GIGYF2: variants seen among roughly 807,000 people sequenced by gnomAD.
GIGYF2 encodes the protein GRB10 interacting GYF protein 2, also known as GRB10-interacting GYF protein 2.
In GIGYF2, 25 loss-of-function variants were observed where a neutral mutation model predicts 208.1. The observed-to-expected ratio is 0.12, with a 90% CI of 0.09 to 0.17. The LOEUF (loss-of-function observed/expected upper bound fraction) is 0.17, where lower values mean the gene tolerates loss of function less well. GIGYF2 is among the 10% of genes least tolerant of loss of function. GIGYF2 has a pLI of 1.00. For missense variants in GIGYF2, 1,302 were observed against 1,579.4 expected, an observed-to-expected ratio of 0.82 and a Z score of 2.98; for synonymous variants, 534 against 543.8, an observed-to-expected ratio of 0.98 and a Z score of 0.25.
intron 28 of GIGYF2, among the ~76,000 whole-genome samples, chr2:232,854,694 A>AT (rs1690485902): frequency 6.6e-6 from 1 of 152,000 alleles, no homozygotes; most frequent in South Asian, 2.1e-4. Context: ...AGGCATGTTT[A>AT]TTTTTTTGAA....
At chr2:232,772,339 G>T (rs1699301371) in intron 8 of GIGYF2, among the ~76,000 whole-genome samples, 1 of 152,114 alleles carries the variant, frequency 6.6e-6, no homozygotes, top group South Asian at 2.1e-4. Flanking sequence ...ATTAGATTGG[G>T]GGGTAGAAAG....
intron 8 of GIGYF2, chr2:232,768,582 G>C: frequency 6.2e-7 from 1 of 1,614,136 alleles, no homozygotes; most frequent in Non-Finnish European, 8.5e-7. Context: ...ACATTCGTCA[G>C]AACTGATGCC....
At chr2:232,816,813 T>C in intron 19 of GIGYF2, 58 bp from the exon 20 acceptor site, 1 of 1,315,858 alleles carries the variant, frequency 7.6e-7, no homozygotes, top group East Asian at 2.3e-5. Flanking sequence ...GGTCAGTGCT[T>C]TCGGAGTGTT....
At chr2:232,825,829 T>G (rs1014895191) in intron 21 of GIGYF2, among the ~76,000 whole-genome samples, 1 of 151,912 alleles carries the variant, frequency 6.6e-6, no homozygotes, top group African/African-American at 2.4e-5. Flanking sequence ...ACATTAGGTA[T>G]TTCTCCTAAT....
At chr2:232,761,141 T>C (rs1391964653) in intron 7 of GIGYF2, among the ~76,000 whole-genome samples, 2 of 152,150 alleles carry the variant, frequency 1.3e-5, no homozygotes, top group African/African-American at 4.8e-5. Flanking sequence ...TATATAAAAC[T>C]GTATACTATG....
rs552859211 is a variant in GIGYF2 at position 232,814,127 on chromosome 2, C to T, written c.2108-1510C>T. ...TTTCAAACTCCTGGCCTCAAGTGAT[C>T]CGCCTGCCTCTGCCTCCCAAACTGC... On this transcript the variant is annotated intron_variant, in intron 18 of 28. Transcript: ENST00000373563. 2.1e-3 allele frequency among the ~76,000 whole-genome samples: 324 copies of T among 151,974 alleles called. 1 individual carries two copies. Among genetic ancestry groups the T allele is most frequent in the African/African-American group, 7.5e-3 (309 of 41,412 alleles).
Position 232,806,077 on chromosome 2 carries a change from T to C in GIGYF2, c.1640-414T>C, listed in dbSNP as rs1334366366. ...AATTTGTCTTAATTATTGTTTACAT[T>C]TTGCCCCACTTTCGCTAATCTATGG... On this transcript the variant is annotated intron_variant, in intron 14 of 28. Transcript: ENST00000373563. This position sits in a 1 kb window ranked among gnomAD's most constrained non-coding sequence, Gnocchi z 4.0. Among the ~76,000 whole-genome samples, 2 of 152,220 alleles carry C rather than the reference T, an allele frequency of 1.3e-5. No homozygotes were observed. Among genetic ancestry groups the C allele is most frequent in the African/African-American group, 4.8e-5 (2 of 41,462 alleles).
chr2:232,739,772 C>T (rs942725987), intron 3 of GIGYF2, among the ~76,000 whole-genome samples: 5 of 151,964 alleles, frequency 3.3e-5, no homozygotes, highest in Non-Finnish European at 5.9e-5. Context: ...TGGTTTCTAT[C>T]GTATATGCAA....
rs534211510 is a variant in GIGYF2, at chr2:232,709,739, G to A, written c.-44+6250G>A. ...CAGGAGAATCCCTTGAACCCGGGAG[G>A]CAGAGGTTTCAGTGAGCCGAGATTG... On this transcript the variant is annotated intron_variant, in intron 2 of 28. Coordinates refer to ENST00000373563, the MANE Select transcript of GIGYF2 (RefSeq NM_001103146.3). Among the ~76,000 whole-genome samples, 782 of 151,878 alleles carry A rather than the reference G, an allele frequency of 5.1e-3. 4 individuals carry two copies. The highest frequency in any genetic ancestry group is 0.018 in the African/African-American group (757 of 41,442).
At chr2:232,851,957 G>A (rs1158515025) in intron 28 of GIGYF2, among the ~76,000 whole-genome samples, 1 of 152,144 alleles carries the variant, frequency 6.6e-6, no homozygotes, top group African/African-American at 2.4e-5. Context: ...GAATTAACTG[G>A]ACAAGAAGAG....
At chr2:232,716,924 G>A (rs1696709356) in intron 2 of GIGYF2, among the ~76,000 whole-genome samples, 1 of 151,318 alleles carries the variant, frequency 6.6e-6, no homozygotes, top group East Asian at 2.0e-4. Flanking sequence ...TCCAACTTCA[G>A]CCTCCCCAGT....
At chr2:232,850,791 C>T (rs972268436) in intron 28 of GIGYF2, among the ~76,000 whole-genome samples, 3 of 152,098 alleles carry the variant, frequency 2.0e-5, no homozygotes, top group Non-Finnish European at 4.4e-5. Context: ...ACCATTAATC[C>T]GATCAGGTGT....
At chr2:232,820,031 A>C in intron 21 of GIGYF2, 46 bp downstream of exon 21, 1 of 1,607,622 alleles carries the variant, frequency 6.2e-7, no homozygotes, top group Non-Finnish European at 8.5e-7. Context: ...GAAGCTGGGA[A>C]TTAGTGATTT....
At chr2:232,804,854 C>T (rs1203004293) in intron 14 of GIGYF2, among the ~76,000 whole-genome samples, 1 of 151,234 alleles carries the variant, frequency 6.6e-6, no homozygotes, top group Non-Finnish European at 1.5e-5. Context: ...CCTCTTTTAC[C>T]CATGGATTAT....
intron 8 of GIGYF2, chr2:232,771,542 T>C: frequency 3.7e-6 from 2 of 537,412 alleles, no homozygotes; most frequent in Admixed American, 6.6e-5. Context: ...TACTAAGTCA[T>C]TCATTTGGGA....
chr2:232,797,187 T>C (rs1478489180), intron 14 of GIGYF2, among the ~76,000 whole-genome samples: 1 of 152,108 alleles, frequency 6.6e-6, no homozygotes, highest in Non-Finnish European at 1.5e-5. Context: ...ATTTGTGTGG[T>C]GTGTAAGTTC....
Position 232,795,979 on chromosome 2 carries a change from A to G in GIGYF2, c.1480-83A>G, listed in dbSNP as rs879207655. 8.1e-6 allele frequency: 8 copies of G among 992,956 alleles called. No homozygotes were observed. The African/African-American group carries it at 1.3e-4, about 16-fold the overall frequency. 61.5% of individuals were successfully genotyped at this position (992,956 alleles called of 1,614,324 possible). A position where few individuals can be genotyped will look rare whatever the true frequency, so the allele number is the denominator to read the frequency against. ...CTTTCATAGATCAAGTAGTCCAAAAAAAAGGGGCAGGCACTGTTATTATGT... is the reference window on the plus strand; with the variant it reads ...CTTTCATAGATCAAGTAGTCCAAAAGAAAGGGGCAGGCACTGTTATTATGT... On this transcript the variant is annotated intron_variant, in intron 13 of 28. Transcript: ENST00000373563.
intron 22 of GIGYF2, among the ~76,000 whole-genome samples, chr2:232,838,191 C>T (rs1233296073): frequency 4.0e-5 from 6 of 151,744 alleles, no homozygotes; most frequent in African/African-American, 1.5e-4. Flanking sequence ...GTAGAACAGA[C>T]CTATGAAATA....
At chr2:232,817,065 G>A (rs758075804) in intron 20 of GIGYF2, 33 bp downstream of exon 20, 6 of 1,515,658 alleles carry the variant, frequency 4.0e-6, no homozygotes, top group Non-Finnish European at 2.8e-6. Context: ...CATAGGATTA[G>A]TGCTTGATGA....
Sources: allele counts gnomAD v4.1 joint callset (sites outside exome capture counted in the v4.1 genomes callset), GRCh38; gene constraint gnomAD v4.1.1; non-coding constraint Gnocchi (gnomAD v3.1); transcripts MANE v1.5; gene names NCBI Gene and HGNC (gene_info 2026-07-23, HGNC 2026-07-21).